Variants in HAPLN1 observed in about 807,000 individuals in gnomAD.
HAPLN1 encodes hyaluronan and proteoglycan link protein 1.
A neutral mutation model predicts 36.5 loss-of-function variants in HAPLN1; 13 were observed. The observed-to-expected ratio is 0.36, with a 90% CI of 0.23 to 0.57. HAPLN1 has a LOEUF of 0.57. Ranked by LOEUF, HAPLN1 falls within the 20% of genes least tolerant of loss-of-function variation. The pLI, the probability that HAPLN1 is intolerant of heterozygous loss-of-function variation, is 0.83. For missense variants in HAPLN1, 407 were observed against 439.7 expected, an observed-to-expected ratio of 0.93 and a Z score of 0.66; for synonymous variants, 202 against 169.8, an observed-to-expected ratio of 1.19 and a Z score of -1.48.
At chr5:83,680,087 T>C (rs1223635265) in intron 1 of HAPLN1, among the ~76,000 whole-genome samples, 1 of 152,152 alleles carries the variant, frequency 6.6e-6, no homozygotes, top group Non-Finnish European at 1.5e-5. Flanking sequence ...TCTCAGACAA[T>C]ATTGACAGGG....
At chr5:83,648,205 A>G (rs1413719764) in intron 3 of HAPLN1, among the ~76,000 whole-genome samples, 1 of 151,578 alleles carries the variant, frequency 6.6e-6, no homozygotes, top group African/African-American at 2.4e-5. Context: ...TGCCCTCTCC[A>G]AGATTCTGTA....
In HAPLN1 at chr5:83,684,060, T is replaced by C. The variant is rs1751065367; in HGVS notation, c.-26-10511A>G. ...GAGGCCAAGGAGTAGTGTTCTTTAGTGGTAATGAACATCTGCGAAGAGACC... is the reference window on the plus strand; with the variant it reads ...GAGGCCAAGGAGTAGTGTTCTTTAGCGGTAATGAACATCTGCGAAGAGACC... On this transcript the variant is annotated intron_variant, in intron 1 of 4. Coordinates refer to ENST00000274341, the MANE Select transcript of HAPLN1 (RefSeq NM_001884.4). Among the ~76,000 whole-genome samples, 3 of 152,000 alleles carry C rather than the reference T, an allele frequency of 2.0e-5. No homozygotes were observed. In the South Asian group the frequency reaches 6.2e-4, roughly 32 times the overall value.
rs1048746373 is a variant in HAPLN1, at chr5:83,673,463, T to G, written c.61A>C (p.Asn21His). Residue 21 changes from asparagine to histidine, a missense_variant, in exon 2 of 5, where the codon AAC becomes CAC. Physicochemically the swap from Asn to His is moderately conservative, Grantham distance 68. Coordinates refer to ENST00000274341, the MANE Select transcript of HAPLN1 (RefSeq NM_001884.4). ...GCTCTGTCATGATCCAGAGTATAGT[T>G]GTCTGAAAGATGATCAGCCCAGCAG... ...SICWADHLSD[N>H]YTLDHDRAIH... The G allele has an allele frequency of 6.2e-7, 1 of 1,613,570 alleles. No homozygotes were observed. The highest frequency in any genetic ancestry group is 8.5e-7 in the Non-Finnish European group (1 of 1,179,746).
chr5:83,653,794 T>A (rs1750141549), intron 2 of HAPLN1, among the ~76,000 whole-genome samples: 1 of 152,248 alleles, frequency 6.6e-6, no homozygotes, highest in Admixed American at 6.5e-5. Flanking sequence ...AGCTGTTATT[T>A]TCAGATTTTG....
chr5:83,684,682 T>C (rs1170168193), intron 1 of HAPLN1, among the ~76,000 whole-genome samples: 1 of 152,006 alleles, frequency 6.6e-6, no homozygotes, highest in Non-Finnish European at 1.5e-5. Flanking sequence ...GGGGTGATCA[T>C]AGTAGAGTGG....
intron 1 of HAPLN1, among the ~76,000 whole-genome samples, chr5:83,701,564 G>A (rs1751506067): frequency 6.6e-6 from 1 of 152,216 alleles, no homozygotes; most frequent in Non-Finnish European, 1.5e-5. Context: ...AGGATGTAAA[G>A]ATGGATAAAA....
chr5:83,648,557 AT>A (rs200077752), intron 3 of HAPLN1, among the ~76,000 whole-genome samples: 2,630 of 150,262 alleles, frequency 0.018, 75 homozygotes, highest in African/African-American at 0.061. Flanking sequence ...TACATGAAGA[AT>A]TTTTTTTTCT....
chr5:83,644,493 C>T lies in HAPLN1; in HGVS notation c.645G>A (p.Val215=). Residue 215 remains valine (V), a synonymous_variant, in exon 4 of 5, where the codon GTG becomes GTA. Coordinates refer to ENST00000274341, the MANE Select transcript of HAPLN1 (RefSeq NM_001884.4). ...CNAGWLSDGS[V]QYPITKPREP... ...CTCTGGGCTTTGTGATGGGATATTGCACAGAGCCATCACTGAGCCAGCCGG... is the reference window on the plus strand; with the variant it reads ...CTCTGGGCTTTGTGATGGGATATTGTACAGAGCCATCACTGAGCCAGCCGG... 6.2e-7 allele frequency: 1 copy of T among 1,612,600 alleles called. No individual in the cohort carries two copies. Among genetic ancestry groups the T allele is most frequent in the Non-Finnish European group, 8.5e-7 (1 of 1,179,362 alleles).
chr5:83,652,401 A>AG lies in HAPLN1; in HGVS notation c.472+51_472+52insC, dbSNP rs145129081. On this transcript the variant is annotated intron_variant, in intron 3 of 4. Coordinates refer to ENST00000274341, the MANE Select transcript of HAPLN1 (RefSeq NM_001884.4). ...TAGACATTACTCTTCATGAAAAAAAAAGCAACTATTAATGACCATTTATAC... is the reference window on the plus strand; with the variant it reads ...TAGACATTACTCTTCATGAAAAAAAAGAGCAACTATTAATGACCATTTATAC... The AG allele has an allele frequency of 5.2e-3, 8,032 of 1,532,768 alleles. 330 individuals are homozygous for AG. In the African/African-American group the frequency reaches 0.09, roughly 17 times the overall value. 94.9% of individuals were successfully genotyped at this position (1,532,768 alleles called of 1,614,324 possible).
intron 1 of HAPLN1, among the ~76,000 whole-genome samples, chr5:83,702,733 C>T (rs567766342): frequency 3.2e-4 from 37 of 115,880 alleles, no homozygotes; most frequent in African/African-American, 1.2e-3. Flanking sequence ...TTTTTTTTTC[C>T]CCCAACAGTT....
At chr5:83,659,283 A>G (rs889767903) in intron 2 of HAPLN1, among the ~76,000 whole-genome samples, 4 of 152,092 alleles carry the variant, frequency 2.6e-5, no homozygotes, top group Non-Finnish European at 5.9e-5. Context: ...TAAAAAAAAA[A>G]AAAATCTGGA....
chr5:83,713,126 AAAC>A (rs1297400679), intron 1 of HAPLN1, among the ~76,000 whole-genome samples: 4 of 152,328 alleles, frequency 2.6e-5, no homozygotes, highest in African/African-American at 9.6e-5. Context: ...ACTGATTTTT[AAAC>A]AACAAAATGC....
At chr5:83,671,362 A>G (rs1195503158) in intron 2 of HAPLN1, among the ~76,000 whole-genome samples, 1 of 152,244 alleles carries the variant, frequency 6.6e-6, no homozygotes, top group Admixed American at 6.5e-5. Context: ...AGAATCTGAG[A>G]TTGAGATAGC....
intron 1 of HAPLN1, among the ~76,000 whole-genome samples, chr5:83,697,667 T>C (rs1226510685): frequency 6.6e-6 from 1 of 152,174 alleles, no homozygotes; most frequent in East Asian, 1.9e-4. Flanking sequence ...AGGGTTCCAA[T>C]TTCTCCACTC....
chr5:83,658,755 C>G (rs539233664), intron 2 of HAPLN1, among the ~76,000 whole-genome samples: 1 of 152,206 alleles, frequency 6.6e-6, no homozygotes, highest in Admixed American at 6.5e-5. Flanking sequence ...CATCAGAAAC[C>G]TTTCCAGGTG....
chr5:83,706,531 C>T (rs1334170542), intron 1 of HAPLN1, among the ~76,000 whole-genome samples: 4 of 152,110 alleles, frequency 2.6e-5, no homozygotes, highest in South Asian at 2.1e-4. Context: ...ATTTCAACAT[C>T]GCTTCATGTT....
At chr5:83,671,541 T>C (rs1750722868) in intron 2 of HAPLN1, among the ~76,000 whole-genome samples, 1 of 152,236 alleles carries the variant, frequency 6.6e-6, no homozygotes. Context: ...ATTCTTGTGC[T>C]ACCTGATTTA....
chr5:83,705,499 C>T (rs1183580112), intron 1 of HAPLN1, among the ~76,000 whole-genome samples: 4 of 151,288 alleles, frequency 2.6e-5, no homozygotes, highest in African/African-American at 9.7e-5. Flanking sequence ...ATGCATAAGG[C>T]AGAAATCATT....
intron 2 of HAPLN1, among the ~76,000 whole-genome samples, chr5:83,668,256 G>C (rs1468323785): frequency 6.6e-6 from 1 of 152,138 alleles, no homozygotes; most frequent in Non-Finnish European, 1.5e-5. Flanking sequence ...GTGCTACAGA[G>C]AGAAAGAAAA....
Sources: gnomAD v4.1 joint callset for allele counts (sites outside exome capture counted in the v4.1 genomes callset) on GRCh38, gnomAD v4.1.1 for gene constraint, MANE v1.5 for transcripts, NCBI Gene and HGNC (gene_info 2026-07-23, HGNC 2026-07-21) for gene names.